Variants in CACNB2 observed in about 807,000 individuals in gnomAD.
CACNB2 encodes the protein calcium voltage-gated channel auxiliary subunit beta 2, also known as voltage-dependent L-type calcium channel subunit beta-2.
A neutral mutation model predicts 73.3 loss-of-function variants in CACNB2; 42 were observed. The observed-to-expected ratio is 0.57, with a 90% CI of 0.45 to 0.74. The LOEUF (loss-of-function observed/expected upper bound fraction) is 0.74. CACNB2 is among the 30% of genes least tolerant of loss of function. CACNB2 has a pLI of 0.00. For synonymous variants in CACNB2, 348 were observed against 310.3 expected, an observed-to-expected ratio of 1.12 and a Z score of -1.28; for missense variants, 940 against 853.0, an observed-to-expected ratio of 1.10 and a Z score of -1.27.
At chr10:18,303,560 G>A (rs930667499) in intron 2 of CACNB2, among the ~76,000 whole-genome samples, 4 of 152,094 alleles carry the variant, frequency 2.6e-5, no homozygotes, top group African/African-American at 4.8e-5. Flanking sequence ...CCAGGGCCAC[G>A]TGTCTCAGAT....
At chr10:18,373,282 A>G (rs764760566) in intron 2 of CACNB2, among the ~76,000 whole-genome samples, 5 of 152,180 alleles carry the variant, frequency 3.3e-5, no homozygotes, top group Non-Finnish European at 5.9e-5. Flanking sequence ...TATGAAATCC[A>G]GGCACTGCTT....
intron 3 of CACNB2, among the ~76,000 whole-genome samples, chr10:18,431,568 T>G (rs1352841054): frequency 6.6e-6 from 1 of 152,144 alleles, no homozygotes; most frequent in East Asian, 1.9e-4. Flanking sequence ...ATATGAAACA[T>G]CAAGAGCTGA....
chr10:18,295,904 G>T (rs369517335), intron 2 of CACNB2, among the ~76,000 whole-genome samples: 1 of 152,036 alleles, frequency 6.6e-6, no homozygotes, highest in South Asian at 2.1e-4. Context: ...GGTTCTGCCA[G>T]GGACAGAAGT....
intron 3 of CACNB2, among the ~76,000 whole-genome samples, chr10:18,406,459 C>T (rs1157533583): frequency 6.6e-6 from 1 of 152,204 alleles, no homozygotes; most frequent in African/African-American, 2.4e-5. Context: ...TGAGCTCCGC[C>T]TCCTGTCAGA....
In CACNB2 at chr10:18,315,398, C is replaced by T. The variant is rs749042593; in HGVS notation, c.214-86526C>T. Among the ~76,000 whole-genome samples, 8 of 147,262 alleles carry T rather than the reference C, an allele frequency of 5.4e-5. No homozygotes were observed. The South Asian group carries it at 8.7e-4, about 16-fold the overall frequency. Reference sequence around the variant, plus strand: ...ACAGTGGGCCAGTCACTGTAGCTCACGCCTGTAATCCCAGTGCTTTGGGAG... The same window carrying T: ...ACAGTGGGCCAGTCACTGTAGCTCATGCCTGTAATCCCAGTGCTTTGGGAG... On this transcript the variant is annotated intron_variant, in intron 2 of 13. Coordinates refer to ENST00000324631, the MANE Select transcript of CACNB2 (RefSeq NM_201596.3).
At chr10:18,417,610 C>T (rs1453840547) in intron 3 of CACNB2, among the ~76,000 whole-genome samples, 1 of 151,972 alleles carries the variant, frequency 6.6e-6, no homozygotes, top group African/African-American at 2.4e-5. Context: ...TCAAGTGATC[C>T]ACCTGCCTTG....
At chr10:18,382,189 T>C (rs528776949) in intron 2 of CACNB2, among the ~76,000 whole-genome samples, 18 of 152,102 alleles carry the variant, frequency 1.2e-4, no homozygotes, top group Non-Finnish European at 1.0e-4. Flanking sequence ...AAAATATACT[T>C]GCTCAGAATG....
chr10:18,272,168 A>G (rs2038081662), intron 2 of CACNB2, among the ~76,000 whole-genome samples: 1 of 152,106 alleles, frequency 6.6e-6, no homozygotes, highest in African/African-American at 2.4e-5. Context: ...TGATATTATG[A>G]AACAATGTGA....
intron 7 of CACNB2, chr10:18,515,008 G>A (rs1169742209): frequency 6.2e-7 from 1 of 1,613,876 alleles, no homozygotes; most frequent in Admixed American, 1.7e-5. Flanking sequence ...AACAAGACCA[G>A]TGGAAAACTG....
At chr10:18,530,835 T>C (rs1210165046) in intron 10 of CACNB2, among the ~76,000 whole-genome samples, 2 of 152,156 alleles carry the variant, frequency 1.3e-5, no homozygotes, top group African/African-American at 4.8e-5. Context: ...TTAGAATACT[T>C]AGGTTCTAAG....
intron 2 of CACNB2, among the ~76,000 whole-genome samples, chr10:18,231,442 G>C (rs954172599): frequency 6.6e-6 from 1 of 152,182 alleles, no homozygotes; most frequent in Non-Finnish European, 1.5e-5. Context: ...GCCTCCCAAA[G>C]TGCTGGGATT....
At chr10:18,449,242 G>C (rs1481535305) in intron 3 of CACNB2, among the ~76,000 whole-genome samples, 1 of 152,024 alleles carries the variant, frequency 6.6e-6, no homozygotes, top group African/African-American at 2.4e-5. Flanking sequence ...AAAATTAGCC[G>C]GGCGTGGTGG....
intron 2 of CACNB2, among the ~76,000 whole-genome samples, chr10:18,318,079 C>T (rs2040261230): frequency 6.6e-6 from 1 of 152,124 alleles, no homozygotes; most frequent in Non-Finnish European, 1.5e-5. Context: ...AATACTGTTC[C>T]CATCAAACTA....
intron 2 of CACNB2, among the ~76,000 whole-genome samples, chr10:18,352,067 G>A (rs896233940): frequency 1.3e-5 from 2 of 152,152 alleles, no homozygotes; most frequent in Non-Finnish European, 2.9e-5. Context: ...TTTCTTCTGC[G>A]TGTTCAATGC....
chr10:18,485,410 C>T (rs1224789972), intron 3 of CACNB2, among the ~76,000 whole-genome samples: 2 of 151,992 alleles, frequency 1.3e-5, no homozygotes, highest in African/African-American at 2.4e-5. Context: ...CTATATAAGA[C>T]TTGATAGCTA....
intron 2 of CACNB2, among the ~76,000 whole-genome samples, chr10:18,398,472 C>T (rs982454631): frequency 2.0e-5 from 3 of 151,914 alleles, no homozygotes; most frequent in African/African-American, 7.3e-5. Flanking sequence ...TGAGACCAGC[C>T]AGCCTGGGCA....
chr10:18,407,983 G>T (rs138435632), intron 3 of CACNB2, among the ~76,000 whole-genome samples: 1 of 151,942 alleles, frequency 6.6e-6, no homozygotes, highest in Non-Finnish European at 1.5e-5. Context: ...GATTTCTAAT[G>T]ACTATATTTA....
intron 2 of CACNB2, among the ~76,000 whole-genome samples, chr10:18,176,683 G>C (rs1188222888): frequency 6.7e-6 from 1 of 150,330 alleles, no homozygotes; most frequent in Admixed American, 6.7e-5. Context: ...CCAAATGGAG[G>C]TTAGCATTTA....
chr10:18,528,445 T>C (rs7922829), intron 10 of CACNB2, among the ~76,000 whole-genome samples: 53,408 of 151,970 alleles, frequency 0.35, 9,849 homozygotes, highest in East Asian at 0.71. Flanking sequence ...ATGGTTAGGT[T>C]TCTGTTTTTA....
Sources: allele counts gnomAD v4.1 joint callset (sites outside exome capture counted in the v4.1 genomes callset), GRCh38; gene constraint gnomAD v4.1.1; transcripts MANE v1.5; gene names NCBI Gene and HGNC (gene_info 2026-07-23, HGNC 2026-07-21).